Variants in NCR2 observed in about 807,000 individuals in gnomAD.
The protein encoded by NCR2 is NK cell activating receptor (NKp44).
Under a neutral mutation model 30.7 loss-of-function variants are expected in NCR2, and 35 were observed. That is an observed-to-expected ratio of 1.14 (90% CI 0.87 to 1.51). The LOEUF is 1.51. Among genes scored for constraint, NCR2 ranks in the 40% most tolerant of loss-of-function variants. The pLI is 0.00. For synonymous variants in NCR2, 146 were observed against 134.8 expected (o/e 1.08, Z -0.58); for missense variants, 316 against 328.9 (o/e 0.96, Z 0.30).
At chr6:41,340,256 G>C (rs1769137546) in intron 2 of NCR2, among the ~76,000 whole-genome samples, 1 of 151,920 alleles carries the variant, frequency 6.6e-6, no homozygotes, top group Non-Finnish European at 1.5e-5. Context: ...CCACCTCCCA[G>C]GTTCAACCCA....
At position 41,336,313 on chromosome 6, in the gene NCR2, T is replaced by C. The variant is rs765002991; in HGVS notation, c.279T>C (p.Thr93=). The C allele has an allele frequency of 1.9e-5, 30 of 1,614,022 alleles. No individual in the cohort carries two copies. Among genetic ancestry groups the C allele is most frequent in the African/African-American group, 2.7e-5 (2 of 74,920 alleles). Residue 93 remains threonine (T), a synonymous_variant, in exon 2 of 5, where the codon ACT becomes ACC. Transcript: ENST00000373089. ...ACGACCCTGATGCTGGCTTCTTCAC[T>C]GTCACCATGACTGATCTGAGAGAGG... ...IWDDPDAGFF[T]VTMTDLREED...
intron 1 of NCR2, 57 bp from the exon 2 acceptor site, chr6:41,336,030 C>A: frequency 6.3e-7 from 1 of 1,589,490 alleles, no homozygotes. Flanking sequence ...CAGAGGCCTG[C>A]TGTGAGGCAG....
intron 4 of NCR2, among the ~76,000 whole-genome samples, chr6:41,345,923 G>A (rs868759095): frequency 4.6e-5 from 7 of 152,086 alleles, no homozygotes; most frequent in African/African-American, 9.7e-5. Context: ...GTTCTCTTGC[G>A]GGGGGAGGGA....
rs542169013 is a variant in NCR2 at position 41,343,936 on chromosome 6, C to T, written c.644+1787C>T. Among the ~76,000 whole-genome samples the T allele has an allele frequency of 8.5e-5, 13 of 152,254 alleles. No homozygotes were observed. The East Asian group carries it at 2.5e-3, about 29-fold the overall frequency. Reference sequence around the variant, plus strand: ...TTACTCTGATTTAACACCCCAAATCCAGACGCCTGGGTCACCCCAACGTTT... The same window carrying T: ...TTACTCTGATTTAACACCCCAAATCTAGACGCCTGGGTCACCCCAACGTTT... On this transcript the variant is annotated intron_variant, in intron 4 of 4. Transcript: ENST00000373089.
chr6:41,346,273 C>A (rs556506363), intron 4 of NCR2, among the ~76,000 whole-genome samples: 1 of 152,278 alleles, frequency 6.6e-6, no homozygotes, highest in Admixed American at 6.5e-5. Flanking sequence ...GGCCTCCTAT[C>A]CCCAGTGGTC....
chr6:41,346,435 C>T (rs1470318712), intron 4 of NCR2, among the ~76,000 whole-genome samples: 1 of 152,116 alleles, frequency 6.6e-6, no homozygotes, highest in Non-Finnish European at 1.5e-5. Flanking sequence ...ATCCATTGAT[C>T]CTGCCACCCG....
chr6:41,346,801 G>C (rs998880402), intron 4 of NCR2, among the ~76,000 whole-genome samples: 3 of 139,346 alleles, frequency 2.2e-5, no homozygotes, highest in African/African-American at 2.6e-5. Flanking sequence ...ACTGAAAAGA[G>C]AGAGAAAGAG....
chr6:41,342,745 C>T (rs1311432998), intron 4 of NCR2, among the ~76,000 whole-genome samples: 1 of 152,142 alleles, frequency 6.6e-6, no homozygotes, highest in African/African-American at 2.4e-5. Flanking sequence ...GAAACAGCCC[C>T]CAGGGAGAAG....
chr6:41,338,928 A>G (rs902671594), intron 2 of NCR2, among the ~76,000 whole-genome samples: 1 of 152,252 alleles, frequency 6.6e-6, no homozygotes, highest in Admixed American at 6.5e-5. Context: ...CTTTACAAGA[A>G]GCCACAAAGT....
Position 41,335,937 on chromosome 6 carries a change from G to T in NCR2, c.52+9G>T. On this transcript the variant is annotated intron_variant, in intron 1 of 4. Coordinates refer to ENST00000373089, the MANE Select transcript of NCR2 (RefSeq NM_004828.4). ...GCTGCTGCTGTTCCCAGGTGAGGGG[G>T]AGGAGGAGCCCAGGGAGCAGAGGAG... The T allele has an allele frequency of 6.4e-7, 1 of 1,571,418 alleles. No individual in the cohort carries two copies. The highest frequency in any genetic ancestry group is 8.6e-7 in the Non-Finnish European group (1 of 1,158,024).
chr6:41,350,592 G>A, intron 4 of NCR2, 86 bp from the exon 5 acceptor site: 1 of 1,189,750 alleles, frequency 8.4e-7, no homozygotes, highest in Non-Finnish European at 1.2e-6. Context: ...TGCGAGTAGT[G>A]GGATGGGGAA....
chr6:41,336,549 C>G, intron 2 of NCR2, 121 bp downstream of exon 2: 1 of 773,212 alleles, frequency 1.3e-6, no homozygotes, highest in Non-Finnish European at 2.1e-6. Context: ...CCTGGGAAGG[C>G]TGTTGGGAAC....
intron 2 of NCR2, among the ~76,000 whole-genome samples, chr6:41,337,893 C>T (rs887099043): frequency 2.0e-4 from 30 of 152,144 alleles, no homozygotes; most frequent in African/African-American, 7.2e-4. Context: ...ATTTCCTCTG[C>T]ATATATCTTC....
At chr6:41,339,234 G>C (rs1305155922) in intron 2 of NCR2, among the ~76,000 whole-genome samples, 1 of 150,432 alleles carries the variant, frequency 6.6e-6, no homozygotes, top group Non-Finnish European at 1.5e-5. Context: ...GCTAATTTTT[G>C]TATTTTTAGT....
At chr6:41,344,367 C>T (rs1016072652) in intron 4 of NCR2, among the ~76,000 whole-genome samples, 1 of 152,192 alleles carries the variant, frequency 6.6e-6, no homozygotes, top group African/African-American at 2.4e-5. Context: ...AAGATCACTC[C>T]GTGCCTTGCC....
At position 41,336,508 on chromosome 6, in the gene NCR2, G is replaced by A. The variant is rs111244662; in HGVS notation, c.394+80G>A. The A allele has an allele frequency of 1.8e-4, 224 of 1,254,626 alleles. 1 individual carries two copies. Among genetic ancestry groups the A allele is most frequent in the African/African-American group, 1.7e-3 (113 of 66,882 alleles). 77.7% of individuals were successfully genotyped at this position (1,254,626 alleles called of 1,614,324 possible). A position where few individuals can be genotyped will look rare whatever the true frequency, so the allele number is the denominator to read the frequency against. On this transcript the variant is annotated intron_variant, in intron 2 of 4. Transcript: ENST00000373089. ...CTCCATCACCCCTGGTTTCCCAATC[G>A]TGGAAGCCACCCATGCCCACGCCCC...
chr6:41,336,066 C>T (rs111396440), intron 1 of NCR2, 21 bp from the exon 2 acceptor site: 11 of 1,607,376 alleles, frequency 6.8e-6, no homozygotes, highest in South Asian at 1.1e-5. Context: ...TTGACCTATG[C>T]GTTACTTCAT....
At chr6:41,342,336 G>A (rs1191691222) in intron 4 of NCR2, among the ~76,000 whole-genome samples, 187 bp downstream of exon 4, 1 of 152,078 alleles carries the variant, frequency 6.6e-6, no homozygotes, top group Non-Finnish European at 1.5e-5. Flanking sequence ...TTGTCCTTCA[G>A]CTGCAAACTT....
Position 41,335,805 on chromosome 6 carries a change from C to G in NCR2, c.-72C>G, listed in dbSNP as rs1769003565. On this transcript the variant is annotated 5_prime_UTR_variant, in exon 1 of 5. Transcript: ENST00000373089. ...GTGCTGGAAGAGCAGCAGAATCAGG[C>G]CCAGCTCCCAATTCCCTCTCCCCAG... 1 of 1,473,912 alleles carries G rather than the reference C, an allele frequency of 6.8e-7. No homozygotes were observed. The highest frequency in any genetic ancestry group is 1.2e-5 in the South Asian group (1 of 82,342). 91.3% of individuals were successfully genotyped at this position (1,473,912 alleles called of 1,614,324 possible).
Sources: gnomAD v4.1 joint callset for allele counts (sites outside exome capture counted in the v4.1 genomes callset) on GRCh38, gnomAD v4.1.1 for gene constraint, MANE v1.5 for transcripts, NCBI Gene and HGNC (gene_info 2026-07-23, HGNC 2026-07-21) for gene names.